ANO10: variants seen among roughly 807,000 people sequenced by gnomAD.
The protein encoded by ANO10 is anoctamin 10.
ANO10 carries 77 observed loss-of-function variants against 74.7 expected under a neutral mutation model. The observed-to-expected ratio is 1.03, with a 90% confidence interval of 0.86 to 1.25. ANO10 has a LOEUF of 1.25. Among genes scored for constraint, ANO10 ranks in the 50% most tolerant of loss-of-function variants. ANO10 has a pLI of 0.00. For missense variants in ANO10, 721 were observed against 778.1 expected (o/e 0.93, Z 0.87); for synonymous variants, 279 against 284.9 (o/e 0.98, Z 0.21).
intron 1 of ANO10, among the ~76,000 whole-genome samples, chr3:43,646,055 G>A (rs1220564479): frequency 5.9e-5 from 9 of 152,074 alleles, no homozygotes; most frequent in Non-Finnish European, 1.0e-4. Context: ...CAATCCACCC[G>A]CCTCAGTCTC....
In ANO10 at chr3:43,555,310, A is replaced by C; in HGVS notation, c.1636T>G (p.Ser546Ala). The C allele has an allele frequency of 6.2e-7, 1 of 1,614,132 alleles. No homozygotes were observed. Among genetic ancestry groups the C allele is most frequent in the South Asian group, 1.1e-5 (1 of 91,076 alleles). The change falls in exon 10 of 13, where the codon TCA becomes GCA. Residue 546 changes from serine to alanine, a missense_variant. Transcript: ENST00000292246. ...KMCRVFKRPF[S>A]EPSANIGVWQ... is the part of the protein sequence containing the mutation. ...ACACCAATATTGGCTGAAGGTTCTG[A>C]GAATGGACGTTTGAAGACCCTGCAC...
intron 11 of ANO10, among the ~76,000 whole-genome samples, chr3:43,530,365 C>G (rs1035914691): frequency 6.6e-6 from 1 of 150,890 alleles, no homozygotes; most frequent in East Asian, 1.9e-4. Flanking sequence ...AAGATCTACA[C>G]GTTATGTTTA....
At chr3:43,567,116 G>A (rs1575444400) in intron 7 of ANO10, among the ~76,000 whole-genome samples, 1 of 152,154 alleles carries the variant, frequency 6.6e-6, no homozygotes, top group Non-Finnish European at 1.5e-5. Flanking sequence ...AATGAAGTGA[G>A]AAGGGAAGTT....
intron 11 of ANO10, among the ~76,000 whole-genome samples, chr3:43,525,827 C>T (rs1171335718): frequency 6.6e-6 from 1 of 152,258 alleles, no homozygotes; most frequent in East Asian, 1.9e-4. Context: ...TATCAAAATG[C>T]CTCAATTTAT....
chr3:43,567,218 A>C (rs1055057330), intron 7 of ANO10, among the ~76,000 whole-genome samples: 1 of 152,116 alleles, frequency 6.6e-6, no homozygotes, highest in East Asian at 1.9e-4. Flanking sequence ...TGGTGTACCT[A>C]AAAGTGATGG....
intron 1 of ANO10, among the ~76,000 whole-genome samples, chr3:43,610,728 A>G (rs531112059): frequency 6.6e-6 from 1 of 152,358 alleles, no homozygotes; most frequent in South Asian, 2.1e-4. Context: ...AAACAGCTAG[A>G]TATTTTAGTA....
intron 12 of ANO10, among the ~76,000 whole-genome samples, chr3:43,393,245 G>C (rs1037616890): frequency 1.6e-4 from 24 of 152,162 alleles, no homozygotes; most frequent in African/African-American, 5.6e-4. Flanking sequence ...CCGAAGCAAG[G>C]CTATCCTTCC....
At chr3:43,610,121 C>T (rs2082743341) in intron 1 of ANO10, among the ~76,000 whole-genome samples, 1 of 151,790 alleles carries the variant, frequency 6.6e-6, no homozygotes, top group African/African-American at 2.4e-5. Flanking sequence ...ATTCTAGAAG[C>T]CATTTTCTAT....
chr3:43,581,925 C>CG (rs1176187188), intron 4 of ANO10, among the ~76,000 whole-genome samples: 1 of 135,770 alleles, frequency 7.4e-6, no homozygotes, highest in Non-Finnish European at 1.6e-5. Flanking sequence ...GACCTCATCT[C>CG]GAAAAAAAAA....
chr3:43,482,832 T>C (rs555685727), intron 11 of ANO10, among the ~76,000 whole-genome samples: 1 of 152,274 alleles, frequency 6.6e-6, no homozygotes, highest in Non-Finnish European at 1.5e-5. Flanking sequence ...GGTGCTCATG[T>C]GCTCACCACT....
At chr3:43,659,408 C>T (rs571704132) in intron 1 of ANO10, among the ~76,000 whole-genome samples, 43 of 152,312 alleles carry the variant, frequency 2.8e-4, no homozygotes, top group Admixed American at 2.3e-3. Context: ...GATCCCCTCC[C>T]GTGCCTGGCT....
intron 1 of ANO10, among the ~76,000 whole-genome samples, chr3:43,644,371 G>A (rs1487464249): frequency 6.6e-6 from 1 of 152,158 alleles, no homozygotes; most frequent in Non-Finnish European, 1.5e-5. Flanking sequence ...AGCACACAGA[G>A]ACAAAGAAGC....
intron 1 of ANO10, among the ~76,000 whole-genome samples, chr3:43,654,637 C>T (rs1559386668): frequency 1.3e-5 from 2 of 152,184 alleles, no homozygotes; most frequent in Admixed American, 6.5e-5. Context: ...GTGAAAAGCT[C>T]TTTGCCCCTT....
chr3:43,568,278 A>G (rs1277822853), intron 7 of ANO10, among the ~76,000 whole-genome samples: 1 of 152,048 alleles, frequency 6.6e-6, no homozygotes, highest in South Asian at 2.1e-4. Context: ...CAGATCAACG[A>G]GACAGAAAGT....
chr3:43,555,143 G>A, intron 10 of ANO10, 135 bp downstream of exon 10: 1 of 873,006 alleles, frequency 1.1e-6, no homozygotes, highest in Non-Finnish European at 1.8e-6. Context: ...AGGCCACACA[G>A]CTAGTTTGTA....
intron 1 of ANO10, among the ~76,000 whole-genome samples, chr3:43,609,009 C>G (rs1210378954): frequency 6.6e-6 from 1 of 152,174 alleles, no homozygotes; most frequent in Non-Finnish European, 1.5e-5. Flanking sequence ...TTAATTTCCT[C>G]TTTACTAAAT....
intron 11 of ANO10, among the ~76,000 whole-genome samples, chr3:43,528,744 T>C (rs2078321480): frequency 6.6e-6 from 1 of 151,826 alleles, no homozygotes; most frequent in South Asian, 2.1e-4. Flanking sequence ...GAACACAATA[T>C]TAAAAACTGT....
At chr3:43,372,463 T>A (rs1025684489) in intron 12 of ANO10, among the ~76,000 whole-genome samples, 4 of 152,128 alleles carry the variant, frequency 2.6e-5, no homozygotes, top group Admixed American at 2.6e-4. Flanking sequence ...TTGTCTCTCA[T>A]CCTTGTCCCC....
intron 10 of ANO10, among the ~76,000 whole-genome samples, chr3:43,554,017 A>G (rs552977226): frequency 6.6e-6 from 1 of 151,864 alleles, no homozygotes; most frequent in African/African-American, 2.4e-5. Context: ...CTGTTTTTTC[A>G]TTTGTTTCAG....
Sources: allele counts gnomAD v4.1 joint callset (sites outside exome capture counted in the v4.1 genomes callset), GRCh38; gene constraint gnomAD v4.1.1; transcripts MANE v1.5; gene names NCBI Gene and HGNC (gene_info 2026-07-23, HGNC 2026-07-21).